The following NELL2 variants were observed in gnomAD, a reference collection of about 807,000 sequenced individuals.
NELL2 encodes neural EGFL like 2.
In NELL2, 41 loss-of-function variants were observed where a neutral mutation model predicts 109.6. That is an observed-to-expected ratio of 0.37 (90% confidence interval 0.29 to 0.49). The LOEUF (loss-of-function observed/expected upper bound fraction) is 0.49, where lower values mean the gene tolerates loss of function less well. NELL2 is among the 20% of genes least tolerant of loss of function. The probability of loss-of-function intolerance (pLI) is 0.98; values close to 1 mark genes in which losing one functional copy is unlikely to be tolerated. For missense variants in NELL2, 900 were observed against 1,008.3 expected (o/e 0.89, Z 1.45); for synonymous variants, 355 against 344.7 (o/e 1.03, Z -0.33).
intron 15 of NELL2, among the ~76,000 whole-genome samples, chr12:44,574,102 T>C (rs1943975652): frequency 6.6e-6 from 1 of 151,976 alleles, no homozygotes; most frequent in Non-Finnish European, 1.5e-5. Context: ...CTCGTTCTGT[T>C]GCCCAGGCTG....
At chr12:44,663,079 G>A (rs770288396) in intron 13 of NELL2, among the ~76,000 whole-genome samples, 2 of 152,128 alleles carry the variant, frequency 1.3e-5, no homozygotes, top group Non-Finnish European at 2.9e-5. Flanking sequence ...AAAGGAACAG[G>A]ATAGAAGACT....
chr12:44,602,600 C>G (rs1022517718), intron 15 of NELL2, among the ~76,000 whole-genome samples: 2 of 152,036 alleles, frequency 1.3e-5, no homozygotes, highest in African/African-American at 2.4e-5. Flanking sequence ...AGATTTTCTT[C>G]TCAATTTCTC....
At chr12:44,514,596 T>C (rs977051797) in intron 19 of NELL2, among the ~76,000 whole-genome samples, 4 of 151,686 alleles carry the variant, frequency 2.6e-5, no homozygotes, top group Non-Finnish European at 5.9e-5. Flanking sequence ...TGTAGGTATG[T>C]ATAGAAAAAA....
At chr12:44,579,899 G>A (rs775047211) in intron 15 of NELL2, among the ~76,000 whole-genome samples, 6 of 152,160 alleles carry the variant, frequency 3.9e-5, no homozygotes, top group Non-Finnish European at 7.3e-5. Context: ...GGCTTTCTGA[G>A]AGAGTGCATC....
rs182095460 is a variant in NELL2, at chr12:44,522,230, C to T, written c.1999-54G>A. The T allele has an allele frequency of 6.1e-3, 9,035 of 1,484,006 alleles. 41 individuals are homozygous for T. The highest frequency in any genetic ancestry group is 7.5e-3 in the Non-Finnish European group (8,101 of 1,076,392). The allele number at this position is 1,484,006 out of a possible 1,614,324, so 91.9% of individuals were successfully genotyped here. On this transcript the variant is annotated intron_variant, in intron 17 of 19. Coordinates refer to ENST00000429094, the MANE Select transcript of NELL2 (RefSeq NM_001145108.2). Reference sequence around the variant, plus strand: ...CAAAAACCTCCATTTCTCAGTAACACGCACACACACACACGCACACACATT... The same window carrying T: ...CAAAAACCTCCATTTCTCAGTAACATGCACACACACACACGCACACACATT...
intron 12 of NELL2, 79 bp downstream of exon 12, chr12:44,703,647 C>A (rs1053638312): frequency 6.7e-7 from 1 of 1,491,860 alleles, no homozygotes; most frequent in South Asian, 1.2e-5. Context: ...AACTTGACAA[C>A]CTGGGAACTT....
In NELL2 at chr12:44,774,823, T is replaced by A. The variant is rs764134998; in HGVS notation, c.918A>T (p.Leu306=). 2 of 1,613,910 alleles carry A rather than the reference T, an allele frequency of 1.2e-6. No individual in the cohort carries two copies. The highest frequency in any genetic ancestry group is 1.3e-5 in the African/African-American group (1 of 74,914). Reference sequence around the variant, plus strand: ...GTGGGCAGTCAGGATTTGGGCAGATTAGAGTTTCACACTGGATGGTTCCAT... The same window carrying A: ...GTGGGCAGTCAGGATTTGGGCAGATAAGAGTTTCACACTGGATGGTTCCAT... ...CLNGTIQCET[L]ICPNPDCPLK... The change falls in exon 9 of 20, where the codon CTA becomes CTT. Residue 306 remains leucine, a synonymous_variant. Transcript: ENST00000429094.
chr12:44,658,708 C>T (rs550728657), intron 13 of NELL2, among the ~76,000 whole-genome samples: 6 of 151,534 alleles, frequency 4.0e-5, no homozygotes, highest in Non-Finnish European at 7.4e-5. Context: ...AACCCTGTCT[C>T]TACTAAAAAT....
intron 16 of NELL2, among the ~76,000 whole-genome samples, chr12:44,527,797 T>TA (rs952485922): frequency 1.3e-5 from 2 of 152,040 alleles, no homozygotes; most frequent in Non-Finnish European, 1.5e-5. Flanking sequence ...TGTGTTCTTT[T>TA]AAAAAACTCC....
At chr12:44,552,995 C>T (rs911165533) in intron 15 of NELL2, among the ~76,000 whole-genome samples, 1 of 151,756 alleles carries the variant, frequency 6.6e-6, no homozygotes, top group African/African-American at 2.4e-5. Flanking sequence ...TAGAAACCAT[C>T]ATTCTCAGTA....
chr12:44,672,548 A>G (rs1948176543), intron 12 of NELL2, among the ~76,000 whole-genome samples: 1 of 152,184 alleles, frequency 6.6e-6, no homozygotes, highest in Non-Finnish European at 1.5e-5. Context: ...GATGTAGCCT[A>G]CCCCAGCAGA....
At chr12:44,586,624 T>C (rs1362810687) in intron 15 of NELL2, among the ~76,000 whole-genome samples, 1 of 152,174 alleles carries the variant, frequency 6.6e-6, no homozygotes, top group Non-Finnish European at 1.5e-5. Context: ...CCTGACCTGA[T>C]AGTGTCTTAA....
intron 2 of NELL2, among the ~76,000 whole-genome samples, chr12:44,838,084 A>G (rs1328573116): frequency 1.3e-5 from 2 of 152,194 alleles, no homozygotes; most frequent in Admixed American, 6.5e-5. Context: ...GCAAACCACA[A>G]TCCATAGAGT....
chr12:44,800,871 T>G (rs1359511932), intron 3 of NELL2, among the ~76,000 whole-genome samples: 1 of 152,138 alleles, frequency 6.6e-6, no homozygotes, highest in Non-Finnish European at 1.5e-5. Flanking sequence ...GAGAACAAAG[T>G]CACACGGGAC....
intron 15 of NELL2, among the ~76,000 whole-genome samples, chr12:44,557,381 G>A (rs540642278): frequency 1.3e-5 from 2 of 152,166 alleles, no homozygotes; most frequent in Admixed American, 6.5e-5. Context: ...GGGTAGAGAC[G>A]GGGCAGTAAC....
intron 1 of NELL2, among the ~76,000 whole-genome samples, chr12:44,909,983 C>T (rs1483131122): frequency 6.6e-6 from 1 of 151,862 alleles, no homozygotes; most frequent in Non-Finnish European, 1.5e-5. Context: ...AAAATTAACT[C>T]AAAATGGGTT....
In NELL2 at chr12:44,886,139, GGAAGGAAGAA is replaced by G. The variant is rs1566593544; in HGVS notation, c.39-10249_39-10240del. ...AGGAAGGAAGGAAGGAAGGAAGGAA[GGAAGGAAGAA>G]AGGGAGAGAATCCTCATCTTATCTT... On this transcript the variant is annotated intron_variant, in intron 1 of 20. Coordinates refer to the NELL2 transcript ENST00000333837. Among the ~76,000 whole-genome samples, 71 of 146,076 alleles carry G rather than the reference GGAAGGAAGAA, an allele frequency of 4.9e-4. 3 individuals are homozygous for G. The highest frequency in any genetic ancestry group is 4.5e-3 in the East Asian group (23 of 5,088).
chr12:44,597,325 C>A (rs1945006323), intron 15 of NELL2, among the ~76,000 whole-genome samples: 1 of 152,080 alleles, frequency 6.6e-6, no homozygotes, highest in African/African-American at 2.4e-5. Flanking sequence ...TTATATCTGC[C>A]AGGACTTTCA....
intron 15 of NELL2, among the ~76,000 whole-genome samples, chr12:44,556,430 C>G (rs1287393667): frequency 1.3e-5 from 2 of 152,068 alleles, no homozygotes; most frequent in African/African-American, 2.4e-5. Context: ...AACAATAAAC[C>G]CAGCACCCAA....
Sources: allele counts gnomAD v4.1 joint callset (sites outside exome capture counted in the v4.1 genomes callset), GRCh38; gene constraint gnomAD v4.1.1; transcripts MANE v1.5; gene names NCBI Gene and HGNC (gene_info 2026-07-23, HGNC 2026-07-21).